BMP7: variants seen among roughly 807,000 people sequenced by gnomAD.
BMP7 encodes osteogenic protein 1.
A neutral mutation model predicts 41.2 loss-of-function variants in BMP7; 12 were observed. The observed-to-expected ratio is 0.29, with a 90% CI of 0.19 to 0.47. The LOEUF is 0.47. BMP7 is among the 20% of genes least tolerant of loss of function. BMP7 has a pLI of 0.99. For synonymous variants in BMP7, 248 were observed against 250.0 expected, an observed-to-expected ratio of 0.99 and a Z score of 0.07; for missense variants, 467 against 606.0, an observed-to-expected ratio of 0.77 and a Z score of 2.41.
chr20:57,250,405 C>T (rs987535234), intron 1 of BMP7, among the ~76,000 whole-genome samples: 1 of 147,706 alleles, frequency 6.8e-6, no homozygotes, highest in Admixed American at 6.8e-5. Context: ...GTGATACATG[C>T]CTGTAGTTCC....
rs149927491 is a variant in BMP7, at chr20:57,184,350, T to C, written c.761-431A>G. On this transcript the variant is annotated intron_variant, in intron 3 of 6. Transcript: ENST00000395863. ...CAATTGCAAACAACCCTAATGACTA[T>C]AGGGGCCATCTGAGCAGAGATCTGG... 3.0e-3 allele frequency among the ~76,000 whole-genome samples: 456 copies of C among 152,188 alleles called. 8 individuals are homozygous for C. In the South Asian group the frequency reaches 0.035, roughly 12 times the overall value.
chr20:57,207,979 G>A (rs926787443), intron 2 of BMP7, among the ~76,000 whole-genome samples: 6 of 151,616 alleles, frequency 4.0e-5, no homozygotes, highest in Non-Finnish European at 5.9e-5. Context: ...ACAGGCGCCC[G>A]CCACCGCGCC....
At chr20:57,209,773 G>C (rs1260664653) in intron 2 of BMP7, among the ~76,000 whole-genome samples, 2 of 152,194 alleles carry the variant, frequency 1.3e-5, no homozygotes, top group African/African-American at 4.8e-5. Context: ...CAGAGTGGTA[G>C]CAACAATTCA....
chr20:57,230,121 G>C (rs1255853153), intron 1 of BMP7, among the ~76,000 whole-genome samples: 3 of 152,162 alleles, frequency 2.0e-5, no homozygotes, highest in Non-Finnish European at 4.4e-5. Context: ...GCTGGCGGGA[G>C]GGAAGGACTC....
At chr20:57,210,761 C>T (rs1221251727) in intron 2 of BMP7, among the ~76,000 whole-genome samples, 2 of 152,260 alleles carry the variant, frequency 1.3e-5, no homozygotes, top group Non-Finnish European at 2.9e-5. Context: ...CGCCCACCAT[C>T]GGGGCTCCTT....
chr20:57,255,126 T>C (rs1829740459), intron 1 of BMP7, among the ~76,000 whole-genome samples: 1 of 152,068 alleles, frequency 6.6e-6, no homozygotes, highest in Non-Finnish European at 1.5e-5. Flanking sequence ...GCTTCTGTTT[T>C]AATGGTCTCA....
chr20:57,193,648 T>G (rs962873214), intron 3 of BMP7, among the ~76,000 whole-genome samples: 1 of 152,234 alleles, frequency 6.6e-6, no homozygotes, highest in African/African-American at 2.4e-5. Flanking sequence ...TTTTGCTGTA[T>G]GTAAGTAGCA....
intron 3 of BMP7, among the ~76,000 whole-genome samples, chr20:57,201,038 C>G (rs1164078976): frequency 6.6e-6 from 1 of 152,166 alleles, no homozygotes; most frequent in Non-Finnish European, 1.5e-5. Context: ...TTCTAAGCCT[C>G]ATTACTCAAA....
rs1985005059 is a variant in BMP7, at chr20:57,215,955, GA to G, written c.611+12273del. 6.6e-6 allele frequency: 1 copy of G among 151,024 alleles called. No individual in the cohort carries two copies. The allele number at this position is 151,024 out of a possible 1,614,324, so 9.4% of individuals were successfully genotyped here. ...TTTTAAGATTCCAAACCCAGAGACAGAAAAAGTGCAGCAAAGCAGGGCGACA... is the reference window on the plus strand; with the variant it reads ...TTTTAAGATTCCAAACCCAGAGACAGAAAAGTGCAGCAAAGCAGGGCGACA... On this transcript the variant is annotated intron_variant, in intron 2 of 6. Transcript: ENST00000395863. The surrounding 1 kb of genome is among the most constrained non-coding windows in gnomAD (Gnocchi z 4.2).
intron 1 of BMP7, among the ~76,000 whole-genome samples, chr20:57,240,616 C>T (rs2066064904): frequency 7.1e-6 from 1 of 141,024 alleles, no homozygotes; most frequent in African/African-American, 3.1e-5. Flanking sequence ...AAAAGACATA[C>T]CCGAGACTGG....
chr20:57,241,808 T>C (rs2066070852), intron 1 of BMP7, among the ~76,000 whole-genome samples: 2 of 152,204 alleles, frequency 1.3e-5, no homozygotes, highest in Admixed American at 1.3e-4. Context: ...AATGTCAACA[T>C]GTGTGCAGTG....
intron 2 of BMP7, among the ~76,000 whole-genome samples, chr20:57,211,755 A>G (rs6025446): frequency 0.47 from 70,907 of 151,914 alleles, 17,019 homozygotes; most frequent in African/African-American, 0.56. Flanking sequence ...TGAGCCAAGA[A>G]AGGGGGCTCT....
At chr20:57,241,679 G>A (rs755825820) in intron 1 of BMP7, among the ~76,000 whole-genome samples, 4 of 152,194 alleles carry the variant, frequency 2.6e-5, no homozygotes, top group African/African-American at 4.8e-5. Flanking sequence ...ACCTGGAGGC[G>A]AGACCACAGG....
At chr20:57,179,151 C>T (rs1398445729) in intron 4 of BMP7, among the ~76,000 whole-genome samples, 1 of 152,198 alleles carries the variant, frequency 6.6e-6, no homozygotes, top group Admixed American at 6.5e-5. Flanking sequence ...TCTTTGATCA[C>T]GGCTGTCCCA....
intron 3 of BMP7, among the ~76,000 whole-genome samples, chr20:57,186,377 G>A (rs141800963): frequency 1.4e-3 from 215 of 152,316 alleles, no homozygotes; most frequent in East Asian, 6.9e-3. Context: ...TCTGCAGATG[G>A]ACCTAAGAAC....
intron 2 of BMP7, among the ~76,000 whole-genome samples, chr20:57,206,553 C>T (rs1013577350): frequency 5.9e-5 from 9 of 152,168 alleles, no homozygotes; most frequent in African/African-American, 1.9e-4. Context: ...CTGTATGATA[C>T]GTGTTGTCAT....
At chr20:57,193,834 T>C (rs1015994632) in intron 3 of BMP7, among the ~76,000 whole-genome samples, 1 of 152,132 alleles carries the variant, frequency 6.6e-6, no homozygotes, top group African/African-American at 2.4e-5. Flanking sequence ...CGCCCTCTGT[T>C]CACAAAGCAT....
At chr20:57,232,760 G>A (rs2066033791) in intron 1 of BMP7, among the ~76,000 whole-genome samples, 2 of 151,804 alleles carry the variant, frequency 1.3e-5, no homozygotes, top group Admixed American at 6.6e-5. Context: ...AAGCAGGAAC[G>A]ACAATGTTAC....
intron 1 of BMP7, among the ~76,000 whole-genome samples, chr20:57,248,807 TG>T (rs2066100171): frequency 7.0e-6 from 1 of 143,278 alleles, no homozygotes; most frequent in Non-Finnish European, 1.6e-5. Context: ...TGTTTTGTTT[TG>T]TTTTTTTTGA....
Sources: gnomAD v4.1 joint callset for allele counts (sites outside exome capture counted in the v4.1 genomes callset) on GRCh38, gnomAD v4.1.1 for gene constraint, Gnocchi (gnomAD v3.1) non-coding constraint, MANE v1.5 for transcripts, NCBI Gene and HGNC (gene_info 2026-07-23, HGNC 2026-07-21) for gene names.